Variants in SEC16B observed in about 807,000 individuals in gnomAD.
The protein encoded by SEC16B is protein transport protein Sec16B.
In SEC16B, 115 loss-of-function variants were observed where a neutral mutation model predicts 141.8. The ratio of observed to expected loss-of-function variants is 0.81; its 90% CI spans 0.70 to 0.95. The LOEUF is 0.95. SEC16B is among the 40% of genes least tolerant of loss of function. The pLI, the probability that SEC16B is intolerant of heterozygous loss-of-function variation, is 0.00. For missense variants in SEC16B, 1,291 were observed against 1,312.3 expected (o/e 0.98, Z 0.25); for synonymous variants, 493 against 492.5 (o/e 1.00, Z -0.01).
Position 177,965,173 on chromosome 1 carries a change from C to G in SEC16B, c.413-6G>C, listed in dbSNP as rs751735579. On this transcript the variant is annotated splice_polypyrimidine_tract_variant and splice_region_variant and intron_variant, in intron 3 of 25. Coordinates refer to ENST00000308284, the MANE Select transcript of SEC16B (RefSeq NM_033127.4). ...AGGACTCCGTTGCCTTGGCACTGCA[C>G]CCTCAGAGAAAACAAAATCAAGACA... 5.0e-6 allele frequency: 8 copies of G among 1,612,596 alleles called. No individual in the cohort carries two copies. The African/African-American group carries it at 1.1e-4, about 22-fold the overall frequency.
Position 177,960,881 on chromosome 1 carries a change from C to T in SEC16B, c.846G>A (p.Val282=). ...PMKFYIPHVP[V]SFGPGGQLVH... Reference sequence around the variant, plus strand: ...CCAGCTGACCTCCTGGCCCGAAACTCACAGGAACATGAGGGATGTAGAACT... The same window carrying T: ...CCAGCTGACCTCCTGGCCCGAAACTTACAGGAACATGAGGGATGTAGAACT... Residue 282 remains valine, a synonymous_variant, in exon 7 of 26, where the codon GTG becomes GTA. Coordinates refer to ENST00000308284, the MANE Select transcript of SEC16B (RefSeq NM_033127.4). The T allele has an allele frequency of 5.0e-6, 8 of 1,601,898 alleles. No homozygotes were observed. Among genetic ancestry groups the T allele is most frequent in the Non-Finnish European group, 6.8e-6 (8 of 1,172,164 alleles).
chr1:177,962,573 CA>C (rs1319746814), intron 5 of SEC16B, among the ~76,000 whole-genome samples: 1 of 150,646 alleles, frequency 6.6e-6, no homozygotes, highest in Non-Finnish European at 1.5e-5. Flanking sequence ...CCCATCTCTA[CA>C]AAAAAACAAA....
At position 177,932,742 on chromosome 1, in the gene SEC16B, T is replaced by C; in HGVS notation, c.2888A>G (p.Glu963Gly). The change falls in exon 23 of 26, where the codon GAG (glutamate) becomes GGG (glycine). Residue 963 changes from glutamate (E) to glycine (G), a missense_variant. By Grantham distance (98) the Glu-to-Gly change is moderately conservative. This residue lies in a region of SEC16B where 605 missense variants were observed against 614.1 expected (regional missense o/e 0.99). Transcript: ENST00000308284. ...ACTAACATCCGGCAGAGGTGGGGAC[T>C]CAGGGGAAGGTGTCAGTGAGAGGCC... ...GLGLSLTPSP[E>G]SPPLPDVSAF... 6.2e-7 allele frequency: 1 copy of C among 1,610,328 alleles called. No homozygotes were observed. Among genetic ancestry groups the C allele is most frequent in the Non-Finnish European group, 8.5e-7 (1 of 1,178,472 alleles).
chr1:177,979,766 G>A (rs998035577), intron 1 of SEC16B, among the ~76,000 whole-genome samples: 1 of 152,228 alleles, frequency 6.6e-6, no homozygotes, highest in Non-Finnish European at 1.5e-5. Flanking sequence ...AGAAGGCAAG[G>A]AGGAGCAAGT....
At chr1:177,944,892 C>T (rs1174086647) in intron 14 of SEC16B, among the ~76,000 whole-genome samples, 1 of 152,170 alleles carries the variant, frequency 6.6e-6, no homozygotes, top group Non-Finnish European at 1.5e-5. Context: ...CAAAACAGAA[C>T]TCTGCACCAG....
At chr1:177,966,325 A>G (rs1222186923) in intron 2 of SEC16B, among the ~76,000 whole-genome samples, 2 of 152,200 alleles carry the variant, frequency 1.3e-5, no homozygotes, top group East Asian at 3.9e-4. Context: ...ATATTATCTT[A>G]GAAAACTCCA....
rs756624716 is a variant in SEC16B at position 177,933,610 on chromosome 1, A to C, written c.2598T>G (p.Ser866Arg). The C allele has an allele frequency of 1.2e-6, 2 of 1,613,862 alleles. No individual in the cohort carries two copies. Among genetic ancestry groups the C allele is most frequent in the African/African-American group, 2.7e-5 (2 of 74,924 alleles). The stretch of plus-strand genomic sequence containing the variant: ...CTGAACTGGCGGAACTCTCAGAAAT[A>C]CTTCGTGGTCTAGCAGCCAATGGTG... ...PQTPLAARPR[S>R]ISESSASSAK... The change falls in exon 21 of 26, where the codon AGT becomes AGG. Residue 866 changes from serine to arginine, a missense_variant. By Grantham distance (110) the Ser-to-Arg change is moderately radical. Coordinates refer to ENST00000308284, the MANE Select transcript of SEC16B (RefSeq NM_033127.4).
At chr1:177,952,873 G>A (rs989379569) in intron 11 of SEC16B, among the ~76,000 whole-genome samples, 14 of 152,084 alleles carry the variant, frequency 9.2e-5, no homozygotes, top group African/African-American at 2.2e-4. Context: ...AAAGTGCACC[G>A]TGGTGTCACC....
At chr1:177,936,810 G>A (rs556640775) in intron 19 of SEC16B, among the ~76,000 whole-genome samples, 59 of 152,268 alleles carry the variant, frequency 3.9e-4, no homozygotes, top group African/African-American at 1.4e-3. Flanking sequence ...GAAGAAACTC[G>A]GGACCAAGAC....
chr1:177,957,376 T>C (rs560042423), intron 10 of SEC16B, among the ~76,000 whole-genome samples: 1 of 152,290 alleles, frequency 6.6e-6, no homozygotes, highest in South Asian at 2.1e-4. Flanking sequence ...GCCATGAGGG[T>C]ATTTTACCAT....
At chr1:177,978,742 A>C (rs12095164) in intron 1 of SEC16B, among the ~76,000 whole-genome samples, 4 of 146,268 alleles carry the variant, frequency 2.7e-5, no homozygotes, top group Non-Finnish European at 6.0e-5. Flanking sequence ...TAAATAAATA[A>C]ATAGCATAGC....
chr1:177,961,080 A>G, intron 6 of SEC16B, 141 bp from the exon 7 acceptor site: 1 of 863,068 alleles, frequency 1.2e-6, no homozygotes, highest in Non-Finnish European at 1.8e-6. Context: ...TGTAATTAGA[A>G]GAAGCCCATG....
intron 12 of SEC16B, among the ~76,000 whole-genome samples, chr1:177,949,000 TC>T (rs1333198445): frequency 6.6e-6 from 1 of 151,488 alleles, no homozygotes; most frequent in Non-Finnish European, 1.5e-5. Flanking sequence ...CCGCCTACCT[TC>T]CAATTTGTTA....
At chr1:177,959,665 C>A (rs904350698) in intron 8 of SEC16B, 1 of 154,554 alleles carries the variant, frequency 6.5e-6, no homozygotes, top group African/African-American at 2.4e-5. Flanking sequence ...GACTCATAGA[C>A]AAGCCTCGGG....
At position 177,933,506 on chromosome 1, in the gene SEC16B, C is replaced by G. The variant is rs2101899736; in HGVS notation, c.2702G>C (p.Gly901Ala). 1 of 1,613,552 alleles carries G rather than the reference C, an allele frequency of 6.2e-7. No individual in the cohort carries two copies. Among genetic ancestry groups the G allele is most frequent in the Non-Finnish European group, 8.5e-7 (1 of 1,179,714 alleles). ...PRNTAQRGKLGDGKEHTKSSG... is the reference protein window; with the variant it reads ...PRNTAQRGKLADGKEHTKSSG... ...CACCTTTGTATGCTCCTTCCCATCTCCGAGCTTGCCTCTCTGGGCAGTATT... is the reference window on the plus strand; with the variant it reads ...CACCTTTGTATGCTCCTTCCCATCTGCGAGCTTGCCTCTCTGGGCAGTATT... Residue 901 changes from glycine (G) to alanine (A), a missense_variant, in exon 21 of 26, where the codon GGA becomes GCA. Gly to Ala is a moderately conservative substitution (Grantham distance 60). Transcript: ENST00000308284.
At position 177,932,569 on chromosome 1, in the gene SEC16B, C is replaced by T; in HGVS notation, c.2933G>A (p.Gly978Asp). The T allele has an allele frequency of 1.3e-6, 2 of 1,556,646 alleles. No homozygotes were observed. The highest frequency in any genetic ancestry group is 1.2e-5 in the South Asian group (1 of 83,160). Residue 978 changes from glycine to aspartate, a missense_variant and splice_region_variant, in exon 24 of 26, where the codon GGT becomes GAT. Physicochemically the swap from Gly to Asp is moderately conservative, Grantham distance 94 (BLOSUM62 -1). Coordinates refer to ENST00000308284, the MANE Select transcript of SEC16B (RefSeq NM_033127.4). ...PDVSAFSRGR[G>D]GGEGRGSASS... Reference sequence around the variant, plus strand: ...TGCGGATCCTCGGCCTTCACCCCCACCTGGAAAGTAATGAGGCAGAGCTGT... The same window carrying T: ...TGCGGATCCTCGGCCTTCACCCCCATCTGGAAAGTAATGAGGCAGAGCTGT...
At chr1:177,944,417 A>G in intron 15 of SEC16B, 144 bp downstream of exon 15, 1 of 657,098 alleles carries the variant, frequency 1.5e-6, no homozygotes, top group Admixed American at 2.8e-5. Context: ...AAGAAATCCT[A>G]CACCCTCCCA....
At position 177,940,660 on chromosome 1, in the gene SEC16B, C is replaced by G; in HGVS notation, c.2077G>C (p.Asp693His). The change falls in exon 17 of 26, where the codon GAC becomes CAC. Residue 693 changes from aspartate (D) to histidine (H), a missense_variant. This residue lies in a region of SEC16B where 605 missense variants were observed against 614.1 expected (regional missense o/e 0.99). Coordinates refer to ENST00000308284, the MANE Select transcript of SEC16B (RefSeq NM_033127.4). ...DPLVLERRSG[D>H]RDLEPDWLAQ... ...AGCCAATCTGGCTCCAGGTCCCTGT[C>G]TCCACTGCGTCTTTCTAAAACCAGA... 1 of 1,613,948 alleles carries G rather than the reference C, an allele frequency of 6.2e-7. No individual in the cohort carries two copies. Among genetic ancestry groups the G allele is most frequent in the South Asian group, 1.1e-5 (1 of 91,068 alleles).
intron 2 of SEC16B, among the ~76,000 whole-genome samples, chr1:177,966,449 G>C (rs1479716169): frequency 6.6e-6 from 1 of 152,056 alleles, no homozygotes; most frequent in East Asian, 1.9e-4. Flanking sequence ...AGTCAAACTG[G>C]ACTATGTTAA....
Sources: allele counts gnomAD v4.1 joint callset (sites outside exome capture counted in the v4.1 genomes callset), GRCh38; gene constraint gnomAD v4.1.1; regional missense constraint gnomAD v4.1.1; transcripts MANE v1.5; gene names NCBI Gene and HGNC (gene_info 2026-07-23, HGNC 2026-07-21).